DCTN2: variants seen among roughly 807,000 people sequenced by gnomAD.
DCTN2 encodes dynactin subunit 2.
Under a neutral mutation model 55.4 loss-of-function variants are expected in DCTN2, and 18 were observed. The observed-to-expected ratio is 0.32, with a 90% CI of 0.22 to 0.48. DCTN2 has a LOEUF of 0.48. Among genes scored for constraint, DCTN2 ranks in the 20% least tolerant of loss-of-function variants. The pLI, the probability that DCTN2 is intolerant of heterozygous loss-of-function variation, is 0.99. For missense variants in DCTN2, 390 were observed against 491.0 expected (o/e 0.79, Z 1.94); for synonymous variants, 168 against 185.2 (o/e 0.91, Z 0.76).
intron 13 of DCTN2, 96 bp from the exon 14 acceptor site, chr12:57,530,871 G>A: frequency 9.1e-7 from 1 of 1,101,070 alleles, no homozygotes. Context: ...GACAAGAAAT[G>A]GAAGCACAAT....
intron 2 of DCTN2, among the ~76,000 whole-genome samples, chr12:57,541,832 T>C (rs2140134838): frequency 6.6e-6 from 1 of 152,322 alleles, no homozygotes; most frequent in South Asian, 2.1e-4. Flanking sequence ...CAAGCAAGCC[T>C]ATTGCCCCAA....
intron 5 of DCTN2, 59 bp from the exon 6 acceptor site, chr12:57,534,511 A>G: frequency 6.5e-7 from 1 of 1,539,200 alleles, no homozygotes; most frequent in Non-Finnish European, 8.8e-7. Context: ...AAGCAAAAAA[A>G]TAGGTCAAGC....
At chr12:57,530,875 G>A in intron 13 of DCTN2, 100 bp from the exon 14 acceptor site, 4 of 1,080,194 alleles carry the variant, frequency 3.7e-6, no homozygotes, top group Non-Finnish European at 4.2e-6. Flanking sequence ...AGAAATGGAA[G>A]CACAATTTGT....
rs1176540017 is a variant in DCTN2, at chr12:57,541,505, ACTGTTT to A, written c.105+4517_105+4522del. 47 of 906,662 alleles carry A rather than the reference ACTGTTT, an allele frequency of 5.2e-5. No individual in the cohort carries two copies. The Admixed American group carries it at 9.7e-4, about 19-fold the overall frequency. The allele number at this position is 906,662 out of a possible 1,614,324, so 56.2% of individuals were successfully genotyped here. Reference sequence around the variant, plus strand: ...AGGATCTTCTAAACTGTAAGGAAGTACTGTTTCTCATCTCAGGAGTGTCCAGTAATA... The same window carrying A: ...AGGATCTTCTAAACTGTAAGGAAGTACTCATCTCAGGAGTGTCCAGTAATA... On this transcript the variant is annotated intron_variant, in intron 2 of 13. Transcript: ENST00000548249.
rs1880167926 is a variant in DCTN2 at position 57,535,623 on chromosome 12, T to C, written c.203-78A>G. 3.2e-6 allele frequency: 5 copies of C among 1,556,594 alleles called. No individual in the cohort carries two copies. The South Asian group carries it at 3.3e-5, about 10-fold the overall frequency. On this transcript the variant is annotated intron_variant, in intron 3 of 13. Transcript: ENST00000548249. ...ATGGTCTCAGGTGACTGTGAGGGCTTCCATAAAATATCTCCATGAGGGACC... is the reference window on the plus strand; with the variant it reads ...ATGGTCTCAGGTGACTGTGAGGGCTCCCATAAAATATCTCCATGAGGGACC...
Position 57,546,189 on chromosome 12 carries a change from C to A in DCTN2, c.37-93G>T, listed in dbSNP as rs1450661580. 21 of 1,242,728 alleles carry A rather than the reference C, an allele frequency of 1.7e-5. No individual in the cohort carries two copies. In the East Asian group the frequency reaches 3.3e-4, roughly 19 times the overall value. 77.0% of individuals were successfully genotyped at this position (1,242,728 alleles called of 1,614,324 possible). A position where few individuals can be genotyped will look rare whatever the true frequency, so the allele number is the denominator to read the frequency against. On this transcript the variant is annotated intron_variant, in intron 1 of 13. Coordinates refer to ENST00000548249, the MANE Select transcript of DCTN2 (RefSeq NM_001261413.2). ...CATTTGAATAAGCTAACAGAGAAGG[C>A]GGGGTGTGATGTCAGGGTTCTGTCC...
chr12:57,542,159 C>T (rs1265923007), intron 2 of DCTN2, among the ~76,000 whole-genome samples: 1 of 151,956 alleles, frequency 6.6e-6, no homozygotes, highest in East Asian at 1.9e-4. Flanking sequence ...ACCTGTAATT[C>T]CAGCTACTCA....
chr12:57,535,648 C>G (rs1347753444), intron 3 of DCTN2, 101 bp downstream of exon 3: 3 of 1,517,620 alleles, frequency 2.0e-6, no homozygotes, highest in Non-Finnish European at 2.7e-6. Context: ...CATGAGGGAC[C>G]CCTTCCCCCA....
At chr12:57,535,938 G>A (rs1201791755) in intron 2 of DCTN2, 93 bp from the exon 3 acceptor site, 16 of 970,506 alleles carry the variant, frequency 1.6e-5, no homozygotes, top group Admixed American at 4.1e-5. Context: ...TAGGTGACTG[G>A]GCCCTACTTG....
At chr12:57,540,015 G>A in intron 2 of DCTN2, 3 of 865,366 alleles carry the variant, frequency 3.5e-6, no homozygotes, top group Non-Finnish European at 4.2e-6. Context: ...TCATGCCACT[G>A]CACTCCAGCC....
chr12:57,535,616 G>A, intron 3 of DCTN2, 71 bp from the exon 4 acceptor site: 1 of 1,563,488 alleles, frequency 6.4e-7, no homozygotes, highest in Non-Finnish European at 8.8e-7. Context: ...AGGTGACTGT[G>A]AGGGCTTCCA....
At position 57,532,793 on chromosome 12, in the gene DCTN2, C is replaced by A; in HGVS notation, c.792G>T (p.Leu264Phe). ...GGTCTAGGGCGCTCACCTTTGCTTG[C>A]AACAGCTCTACAGTCTCCTGGGGAT... ...GACLMETVELLQAKVSALDLA... is the reference protein window; with the variant it reads ...GACLMETVELFQAKVSALDLA... Residue 264 changes from leucine (L) to phenylalanine (F), a missense_variant, in exon 10 of 14, where the codon TTG becomes TTT. Physicochemically the swap from Leu to Phe is conservative, Grantham distance 22. Transcript: ENST00000548249. The A allele has an allele frequency of 6.2e-7, 1 of 1,613,984 alleles. No homozygotes were observed. Among genetic ancestry groups the A allele is most frequent in the Non-Finnish European group, 8.5e-7 (1 of 1,179,894 alleles).
chr12:57,531,919 T>C (rs1879756008), intron 13 of DCTN2, 96 bp downstream of exon 13: 1 of 1,521,170 alleles, frequency 6.6e-7, no homozygotes. Flanking sequence ...CACAACACCA[T>C]GCTACAAAAT....
chr12:57,533,321 G>GA lies in DCTN2; in HGVS notation c.670-19_670-18insT, dbSNP rs1879916659. 1.9e-6 allele frequency: 3 copies of GA among 1,612,946 alleles called. No individual in the cohort carries two copies. Among genetic ancestry groups the GA allele is most frequent in the Non-Finnish European group, 2.5e-6 (3 of 1,179,176 alleles). ...TCTGCGACCTAGTGGGAGGAAGGAG[G>GA]TGAGATTTGCCATCTGCTTCCCTGC... is the stretch of plus-strand genomic sequence containing the variant. On this transcript the variant is annotated intron_variant, in intron 7 of 13. Transcript: ENST00000548249.
chr12:57,535,270 C>T (rs1880134781), intron 4 of DCTN2, 116 bp from the exon 5 acceptor site: 2 of 987,602 alleles, frequency 2.0e-6, no homozygotes, highest in Non-Finnish European at 3.0e-6. Flanking sequence ...GAATCCACAA[C>T]ACCCTAGTAC....
chr12:57,537,552 A>T (rs1880347160), intron 2 of DCTN2, among the ~76,000 whole-genome samples: 1 of 151,776 alleles, frequency 6.6e-6, no homozygotes, highest in Non-Finnish European at 1.5e-5. Flanking sequence ...AAGCAGATAG[A>T]AGGAAGCTCC....
At chr12:57,546,906 G>A (rs1248253451) in intron 1 of DCTN2, 122 bp downstream of exon 1, 2 of 843,948 alleles carry the variant, frequency 2.4e-6, no homozygotes, top group Non-Finnish European at 3.2e-6. Context: ...GAGAACGAGC[G>A]GCGGGAGCCC....
At chr12:57,536,380 C>T (rs939649927) in intron 2 of DCTN2, among the ~76,000 whole-genome samples, 1 of 152,160 alleles carries the variant, frequency 6.6e-6, no homozygotes, top group Non-Finnish European at 1.5e-5. Context: ...AAAAGAAGGC[C>T]GACAGAGGGC....
intron 2 of DCTN2, among the ~76,000 whole-genome samples, chr12:57,539,895 G>A (rs900024929): frequency 6.6e-6 from 1 of 152,092 alleles, no homozygotes; most frequent in African/African-American, 2.4e-5. Context: ...GCATGGTGGT[G>A]GACGCCTGTA....
Sources: allele counts gnomAD v4.1 joint callset (sites outside exome capture counted in the v4.1 genomes callset), GRCh38; gene constraint gnomAD v4.1.1; transcripts MANE v1.5; gene names NCBI Gene and HGNC (gene_info 2026-07-23, HGNC 2026-07-21).